The following GRIN2B variants were observed in gnomAD, a reference collection of about 807,000 sequenced individuals.
The protein encoded by GRIN2B is glutamate ionotropic receptor NMDA type subunit 2B.
A neutral mutation model predicts 114.5 loss-of-function variants in GRIN2B; 5 were observed. That is an observed-to-expected ratio of 0.04 (90% confidence interval 0.02 to 0.09). GRIN2B has a LOEUF of 0.09. Ranked by LOEUF, GRIN2B falls within the 10% of genes least tolerant of loss-of-function variation. The pLI is 1.00. For synonymous variants in GRIN2B, 787 were observed against 745.1 expected (o/e 1.06, Z -0.92); for missense variants, 1,108 against 1,943.5 (o/e 0.57, Z 8.08).
chr12:13,910,734 G>T (rs1195611265), intron 2 of GRIN2B, among the ~76,000 whole-genome samples: 1 of 152,170 alleles, frequency 6.6e-6, no homozygotes, highest in African/African-American at 2.4e-5. Flanking sequence ...GATTCCTGCA[G>T]CTCTGAGGAT....
intron 3 of GRIN2B, among the ~76,000 whole-genome samples, chr12:13,838,889 A>G (rs186286343): frequency 1.2e-3 from 179 of 152,290 alleles, no homozygotes; most frequent in African/African-American, 4.0e-3. Flanking sequence ...CCTCTTACGT[A>G]TTATTCCAGG....
chr12:13,591,714 AC>A (rs1949011147), intron 10 of GRIN2B, among the ~76,000 whole-genome samples: 1 of 152,214 alleles, frequency 6.6e-6, no homozygotes, highest in Admixed American at 6.5e-5. Context: ...TCATGTGATT[AC>A]CATGAATGAG....
At chr12:13,568,264 C>T (rs770721112) in intron 12 of GRIN2B, among the ~76,000 whole-genome samples, 3 of 152,114 alleles carry the variant, frequency 2.0e-5, no homozygotes, top group Non-Finnish European at 4.4e-5. Context: ...AAACCATGTG[C>T]CCTAGAATGC....
rs74067113 is a variant in GRIN2B at position 13,833,122 on chromosome 12, C to T, written c.411+32676G>A. Reference sequence around the variant, plus strand: ...AGCTTCTTGAGAACAGTGTCTAGCACAGTGCATGACATATGATATGGTATT... The same window carrying T: ...AGCTTCTTGAGAACAGTGTCTAGCATAGTGCATGACATATGATATGGTATT... On this transcript the variant is annotated intron_variant, in intron 3 of 13. Coordinates refer to ENST00000609686, the MANE Select transcript of GRIN2B (RefSeq NM_000834.5). Among the ~76,000 whole-genome samples the T allele has an allele frequency of 7.8e-3, 1,191 of 152,322 alleles. 21 individuals are homozygous for T. Among genetic ancestry groups the T allele is most frequent in the African/African-American group, 0.027 (1,113 of 41,560 alleles).
At position 13,611,801 on chromosome 12, in the gene GRIN2B, G is replaced by A. The variant is rs202102041; in HGVS notation, c.1704C>T (p.Ile568=). 2.9e-5 allele frequency: 46 copies of A among 1,613,010 alleles called. No individual in the cohort carries two copies. The highest frequency in any genetic ancestry group is 2.8e-4 in the African/African-American group (21 of 74,924). ...VWVMMFVMLL[I]VSAVAVFVFE... ...AGACAAAGACAGCCACGGCTGAGACGATGAGCAGCATCACAAACATCATCA... is the reference window on the plus strand; with the variant it reads ...AGACAAAGACAGCCACGGCTGAGACAATGAGCAGCATCACAAACATCATCA... Residue 568 remains isoleucine (I), a synonymous_variant, in exon 9 of 14, where the codon ATC becomes ATT. Coordinates refer to ENST00000609686, the MANE Select transcript of GRIN2B (RefSeq NM_000834.5).
At chr12:13,661,278 C>T (rs1366930251) in intron 5 of GRIN2B, among the ~76,000 whole-genome samples, 1 of 152,178 alleles carries the variant, frequency 6.6e-6, no homozygotes, top group Non-Finnish European at 1.5e-5. Flanking sequence ...GACAAATGCA[C>T]ACTCCTCATG....
At chr12:13,843,042 T>C (rs1037414589) in intron 3 of GRIN2B, among the ~76,000 whole-genome samples, 30 of 146,738 alleles carry the variant, frequency 2.0e-4, no homozygotes, top group African/African-American at 6.9e-4. Context: ...TATTTATTTA[T>C]TTATTTATTT....
intron 2 of GRIN2B, among the ~76,000 whole-genome samples, chr12:13,918,419 A>T (rs965672181): frequency 1.3e-5 from 2 of 152,206 alleles, no homozygotes; most frequent in African/African-American, 4.8e-5. Context: ...AAAGAAAAGG[A>T]TACGGAAAAT....
chr12:13,851,929 CAGA>C, intron 3 of GRIN2B, among the ~76,000 whole-genome samples: 1 of 151,306 alleles, frequency 6.6e-6, no homozygotes, highest in East Asian at 1.9e-4. Context: ...TAAGAGTAGG[CAGA>C]GGAGGAGGAG....
chr12:13,693,446 C>CT (rs112178010), intron 4 of GRIN2B, among the ~76,000 whole-genome samples: 193 of 152,096 alleles, frequency 1.3e-3, no homozygotes, highest in African/African-American at 4.4e-3. Flanking sequence ...TCCTCTACAC[C>CT]TTTAGGTCAT....
chr12:13,697,274 C>G (rs1177496465), intron 4 of GRIN2B, among the ~76,000 whole-genome samples: 1 of 152,122 alleles, frequency 6.6e-6, no homozygotes, highest in African/African-American at 2.4e-5. Context: ...TAAAATTCAT[C>G]CAATTCAGGA....
intron 2 of GRIN2B, among the ~76,000 whole-genome samples, chr12:13,912,815 C>A (rs1323271798): frequency 2.0e-5 from 3 of 152,062 alleles, no homozygotes; most frequent in Non-Finnish European, 4.4e-5. Flanking sequence ...ACTTTTGGCG[C>A]CTCCCAATGG....
In GRIN2B at chr12:13,563,929, G is replaced by A. The variant is rs544484163; in HGVS notation, c.3309C>T (p.Asp1103=). 10 of 1,614,182 alleles carry A rather than the reference G, an allele frequency of 6.2e-6. No homozygotes were observed. The highest frequency in any genetic ancestry group is 2.2e-5 in the South Asian group (2 of 91,084). The part of the protein sequence containing the change: ...PASAKSRREF[D]EIELAYRRRP... ...GGCGACGGTAGGCCAGCTCGATCTC[G>A]TCAAACTCCCTGCGGGACTTGGCCG... Residue 1103 remains aspartate, a synonymous_variant, in exon 14 of 14, where the codon GAC becomes GAT. Transcript: ENST00000609686.
intron 2 of GRIN2B, among the ~76,000 whole-genome samples, chr12:13,921,669 C>A (rs1866826855): frequency 6.6e-6 from 1 of 152,092 alleles, no homozygotes; most frequent in Non-Finnish European, 1.5e-5. Flanking sequence ...TCTGTACATT[C>A]TCTGTGAACA....
chr12:13,644,606 A>G (rs991846257), intron 5 of GRIN2B, among the ~76,000 whole-genome samples: 1 of 152,154 alleles, frequency 6.6e-6, no homozygotes, highest in African/African-American at 2.4e-5. Flanking sequence ...TTCTCTAGCT[A>G]TGAAGGCCCT....
intron 4 of GRIN2B, among the ~76,000 whole-genome samples, chr12:13,727,456 C>T (rs1224346900): frequency 6.6e-6 from 1 of 152,170 alleles, no homozygotes; most frequent in Non-Finnish European, 1.5e-5. Flanking sequence ...ACGATTTACA[C>T]CTGGTCATTT....
At chr12:13,835,846 T>C (rs1865253472) in intron 3 of GRIN2B, among the ~76,000 whole-genome samples, 1 of 147,084 alleles carries the variant, frequency 6.8e-6, no homozygotes, top group Non-Finnish European at 1.5e-5. Flanking sequence ...CACATTGCCA[T>C]GGCAACTCTG....
intron 5 of GRIN2B, among the ~76,000 whole-genome samples, chr12:13,642,027 A>C (rs1354970190): frequency 4.6e-5 from 7 of 152,082 alleles, no homozygotes. Context: ...GTCTCTATTA[A>C]AAATACAAAA....
chr12:13,879,587 G>T (rs1365886759), intron 2 of GRIN2B, among the ~76,000 whole-genome samples: 1 of 151,798 alleles, frequency 6.6e-6, no homozygotes, highest in East Asian at 1.9e-4. Flanking sequence ...GTTGCAATTT[G>T]GTCACCCTTC....
Sources: allele counts gnomAD v4.1 joint callset (sites outside exome capture counted in the v4.1 genomes callset), GRCh38; gene constraint gnomAD v4.1.1; transcripts MANE v1.5; gene names NCBI Gene and HGNC (gene_info 2026-07-23, HGNC 2026-07-21).